ADGRG4: variants seen among roughly 807,000 people sequenced by gnomAD.
ADGRG4 encodes G protein-coupled receptor 112.
A neutral mutation model predicts 126.2 loss-of-function variants in ADGRG4; 122 were observed. That is an observed-to-expected ratio of 0.97 (90% confidence interval 0.83 to 1.12). The LOEUF (loss-of-function observed/expected upper bound fraction) is 1.12, where lower values mean the gene tolerates loss of function less well. ADGRG4 is among the 50% of genes most tolerant of loss of function. The pLI is 0.00. For synonymous variants in ADGRG4, 943 were observed against 838.7 expected, an observed-to-expected ratio of 1.12 and a Z score of -2.15; for missense variants, 2,481 against 2,251.8, an observed-to-expected ratio of 1.10 and a Z score of -2.06.
At chrX:136,350,870 C>T (rs1025659417) in intron 6 of ADGRG4, among the ~76,000 whole-genome samples, 4 of 111,194 alleles carry the variant, frequency 3.6e-5, no homozygotes, top group Non-Finnish European at 7.5e-5. Flanking sequence ...TTTTGGATTC[C>T]TTTTATGCAG....
At chrX:136,311,514 G>A (rs1286556768) in intron 4 of ADGRG4, among the ~76,000 whole-genome samples, 1 of 110,915 alleles carries the variant, frequency 9.0e-6, no homozygotes, top group African/African-American at 3.3e-5. Flanking sequence ...GCAGGAGGCT[G>A]GGGTTTTGTG....
chrX:136,309,799 A>T (rs767913643), intron 4 of ADGRG4, among the ~76,000 whole-genome samples: 6 of 111,666 alleles, frequency 5.4e-5, no homozygotes, highest in East Asian at 2.8e-4. Flanking sequence ...TTTTTCCTCT[A>T]CCTGTTTCCT....
intron 15 of ADGRG4, among the ~76,000 whole-genome samples, chrX:136,378,855 C>T (rs1010909137): frequency 1.8e-5 from 2 of 112,018 alleles, no homozygotes; most frequent in South Asian, 7.4e-4. Flanking sequence ...GGTCATCATG[C>T]ATCATCATGT....
chrX:136,318,646 T>G (rs749020352), intron 4 of ADGRG4, among the ~76,000 whole-genome samples: 2 of 111,466 alleles, frequency 1.8e-5, no homozygotes, highest in African/African-American at 3.3e-5. Flanking sequence ...CGGAAAACAC[T>G]TATGCTATGA....
intron 13 of ADGRG4, among the ~76,000 whole-genome samples, chrX:136,370,838 C>T (rs1477951903): frequency 8.9e-6 from 1 of 111,811 alleles, no homozygotes; most frequent in East Asian, 2.8e-4. Context: ...ATTGTTCTTA[C>T]TCTCTGGAAA....
chrX:136,399,798 A>T (rs766281565), intron 20 of ADGRG4, 50 bp from the exon 21 acceptor site: 19 of 368,258 alleles, frequency 5.2e-5, no homozygotes, highest in Middle Eastern at 9.6e-4. Flanking sequence ...ATGTTTAATT[A>T]AAAAAAAAAA....
chrX:136,341,315 CT>C (rs910828444), intron 5 of ADGRG4, among the ~76,000 whole-genome samples: 3 of 112,345 alleles, frequency 2.7e-5, no homozygotes, highest in African/African-American at 9.7e-5. Context: ...TATTGTTTTC[CT>C]AAAAAGTGAA....
At chrX:136,391,727 T>C (rs1305982120) in intron 16 of ADGRG4, among the ~76,000 whole-genome samples, 4 of 112,464 alleles carry the variant, frequency 3.6e-5, no homozygotes, top group Non-Finnish European at 5.6e-5. Flanking sequence ...AAGAAGGCGA[T>C]GACTGTCCTC....
chrX:136,383,862 C>CTTTCTTT (rs1157947410), intron 15 of ADGRG4, among the ~76,000 whole-genome samples: 1 of 52,206 alleles, frequency 1.9e-5, no homozygotes, highest in Non-Finnish European at 4.2e-5. Flanking sequence ...TTCTTTCTTT[C>CTTTCTTT]TTTCTTTCTT....
intron 19 of ADGRG4, among the ~76,000 whole-genome samples, chrX:136,397,491 C>CTTTTTTTTTTTTTT (rs1184936316): frequency 1.1e-3 from 57 of 50,574 alleles, no homozygotes; most frequent in Non-Finnish European, 1.3e-3. Context: ...AGGAAAAGGA[C>CTTTTTTTTTTTTTT]TTTTTTTTTT....
intron 14 of ADGRG4, 80 bp downstream of exon 14, chrX:136,371,624 G>T (rs1022183470): frequency 9.5e-5 from 50 of 528,855 alleles, no homozygotes; most frequent in African/African-American, 9.6e-5. Flanking sequence ...TGTGCATTCT[G>T]CATTTGTCAA....
intron 16 of ADGRG4, among the ~76,000 whole-genome samples, chrX:136,390,974 G>A (rs760259887): frequency 1.8e-5 from 2 of 110,552 alleles, no homozygotes; most frequent in African/African-American, 3.3e-5. Flanking sequence ...TGTCAGCAGG[G>A]CCCTTCCCAT....
chrX:136,378,223 G>A (rs1238656027), intron 15 of ADGRG4, among the ~76,000 whole-genome samples: 3 of 111,110 alleles, frequency 2.7e-5, no homozygotes, highest in Admixed American at 9.6e-5. Flanking sequence ...TTTTGATACT[G>A]TTGAAAATGG....
chrX:136,393,556 G>A lies in ADGRG4; in HGVS notation c.8056G>A (p.Ala2686Thr). The A allele has an allele frequency of 5.0e-6, 6 of 1,204,550 alleles. No individual in the cohort carries two copies. Among genetic ancestry groups the A allele is most frequent in the Non-Finnish European group, 6.7e-6 (6 of 890,063 alleles). The change falls in exon 18 of 26, where the codon GCC becomes ACC. Residue 2686 changes from alanine to threonine, a missense_variant. Transcript: ENST00000394143. ...GNQNYGQVHC[A>T]FWDFENNNGL... ...CCAGAATTATGGTCAAGTTCACTGT[G>A]CCTTTTGGGATTTTGAGAATAATAG...
Position 136,348,967 on chromosome X carries a change from C to T in ADGRG4, c.5261C>T (p.Thr1754Ile), listed in dbSNP as rs369405864. The change falls in exon 6 of 26, where the codon ACT becomes ATT. Residue 1754 changes from threonine to isoleucine, a missense_variant. Transcript: ENST00000394143. The part of the protein sequence containing the change: ...ITVPENMLSP[T>I]HADSLHTSFN... The stretch of plus-strand genomic sequence containing the variant: ...GTTCCTGAAAATATGCTTTCACCTA[C>T]TCATGCAGATAGTCTCCATACTTCC... 2 of 1,209,266 alleles carry T rather than the reference C, an allele frequency of 1.7e-6. No homozygotes were observed. Among genetic ancestry groups the T allele is most frequent in the Admixed American group, 4.4e-5 (2 of 45,886 alleles).
intron 23 of ADGRG4, among the ~76,000 whole-genome samples, chrX:136,412,009 C>T (rs1053491278): frequency 8.9e-6 from 1 of 112,807 alleles, no homozygotes; most frequent in African/African-American, 3.2e-5. Flanking sequence ...AGAGCAATCT[C>T]AGAGAGGGGC....
Position 136,345,694 on chromosome X carries a change from C to T in ADGRG4, c.1988C>T (p.Ala663Val). 8.3e-7 allele frequency: 1 copy of T among 1,211,237 alleles called. No individual in the cohort carries two copies. Among genetic ancestry groups the T allele is most frequent in the Non-Finnish European group, 1.1e-6 (1 of 895,047 alleles). ...ETIWTSRPDQ[A>V]LLASMNTTTI... The stretch of plus-strand genomic sequence containing the variant: ...ATTTGGACTTCTAGGCCAGACCAGG[C>T]CCTGCTGGCATCTATGAACACAACC... Residue 663 changes from alanine to valine, a missense_variant, in exon 6 of 26, where the codon GCC becomes GTC. Physicochemically the swap from Ala to Val is moderately conservative, Grantham distance 64. Transcript: ENST00000394143.
At position 136,347,707 on chromosome X, in the gene ADGRG4, C is replaced by A. The variant is rs767878242; in HGVS notation, c.4001C>A (p.Ser1334Tyr). The A allele has an allele frequency of 8.3e-7, 1 of 1,209,894 alleles. No homozygotes were observed. Among genetic ancestry groups the A allele is most frequent in the African/African-American group, 1.7e-5 (1 of 57,789 alleles). The change falls in exon 6 of 26, where the codon TCT (serine) becomes TAT (tyrosine). Residue 1334 changes from serine to tyrosine, a missense_variant. Coordinates refer to ENST00000394143, the MANE Select transcript of ADGRG4 (RefSeq NM_153834.4). Reference protein sequence around the residue: ...SDGNLASSPTSGSTQITPTLT... With the variant: ...SDGNLASSPTYGSTQITPTLT... ...GGAAATTTGGCTTCATCTCCCACTT[C>A]TGGAAGCACACAGATTACACCAACC...
At chrX:136,378,960 T>A (rs749654485) in intron 15 of ADGRG4, among the ~76,000 whole-genome samples, 1 of 112,050 alleles carries the variant, frequency 8.9e-6, no homozygotes, top group African/African-American at 3.2e-5. Context: ...CTTTTTTTTG[T>A]GATTTCTTTG....
Sources: allele counts gnomAD v4.1 joint callset (sites outside exome capture counted in the v4.1 genomes callset), GRCh38; gene constraint gnomAD v4.1.1; transcripts MANE v1.5; gene names NCBI Gene and HGNC (gene_info 2026-07-23, HGNC 2026-07-21).